HIPK1: variants seen among roughly 807,000 people sequenced by gnomAD.
HIPK1 encodes homeodomain interacting protein kinase 1.
A neutral mutation model predicts 117.1 loss-of-function variants in HIPK1; 28 were observed. That is an observed-to-expected ratio of 0.24 (90% CI 0.18 to 0.33). HIPK1 has a LOEUF of 0.33. Ranked by LOEUF, HIPK1 falls within the 10% of genes least tolerant of loss-of-function variation. The pLI is 1.00. For synonymous variants in HIPK1, 605 were observed against 562.5 expected (o/e 1.08, Z -1.07); for missense variants, 1,122 against 1,475.1 (o/e 0.76, Z 3.92).
At chr1:113,971,742 G>A in intron 14 of HIPK1, 82 bp from the exon 15 acceptor site, 1 of 1,368,620 alleles carries the variant, frequency 7.3e-7, no homozygotes, top group Non-Finnish European at 1.0e-6. Context: ...ACTACATACA[G>A]ATGTGGACTA....
intron 1 of HIPK1, 196 bp downstream of exon 1, chr1:113,929,728 G>T: frequency 1.2e-6 from 1 of 863,332 alleles, no homozygotes; most frequent in Non-Finnish European, 1.4e-6. Context: ...GGCGGCGGCG[G>T]CGGGAAGGGG....
chr1:113,938,499 T>C (rs2101148870), intron 1 of HIPK1, among the ~76,000 whole-genome samples: 1 of 152,272 alleles, frequency 6.6e-6, no homozygotes, highest in South Asian at 2.1e-4. Context: ...TTATCTGATT[T>C]GCATTGTTTA....
At chr1:113,955,121 C>T (rs1350994009) in intron 4 of HIPK1, among the ~76,000 whole-genome samples, 1 of 152,128 alleles carries the variant, frequency 6.6e-6, no homozygotes, top group Non-Finnish European at 1.5e-5. Flanking sequence ...TCTAACTGCC[C>T]ACATTCAGGA....
At chr1:113,962,148 C>G (rs112468616) in intron 8 of HIPK1, among the ~76,000 whole-genome samples, 169 bp from the exon 9 acceptor site, 14 of 152,190 alleles carry the variant, frequency 9.2e-5, no homozygotes, top group African/African-American at 3.1e-4. Context: ...GGAAGTCTCC[C>G]TTTTCTTAAC....
Position 113,929,394 on chromosome 1 carries a change from G to A in HIPK1, c.-141G>A, listed in dbSNP as rs769641873. 2 of 1,289,334 alleles carry A rather than the reference G, an allele frequency of 1.6e-6. No homozygotes were observed. Among genetic ancestry groups the A allele is most frequent in the Non-Finnish European group, 2.0e-6 (2 of 988,884 alleles). 79.9% of individuals were successfully genotyped at this position (1,289,334 alleles called of 1,614,324 possible). A position where few individuals can be genotyped will look rare whatever the true frequency, so the allele number is the denominator to read the frequency against. Reference sequence around the variant, plus strand: ...TCACCGCAGAGTCTGCAGTGCGGAGGGGGCGGGAAGTCCAGGCCCCGCACT... The same window carrying A: ...TCACCGCAGAGTCTGCAGTGCGGAGAGGGCGGGAAGTCCAGGCCCCGCACT... On this transcript the variant is annotated 5_prime_UTR_variant, in exon 1 of 16. Coordinates refer to ENST00000426820, the MANE Select transcript of HIPK1 (RefSeq NM_198268.3).
chr1:113,977,227 C>T lies in HIPK1; in HGVS notation c.*3715C>T, dbSNP rs1027893317. 3.3e-5 allele frequency: 5 copies of T among 152,148 alleles called. No individual in the cohort carries two copies. Among genetic ancestry groups the T allele is most frequent in the African/African-American group, 1.2e-4 (5 of 41,308 alleles). The allele number at this position is 152,148 out of a possible 1,614,324, so 9.4% of individuals were successfully genotyped here. A position where few individuals can be genotyped will look rare whatever the true frequency, so the allele number is the denominator to read the frequency against. On this transcript the variant is annotated 3_prime_UTR_variant, in exon 16 of 16. Coordinates refer to ENST00000426820, the MANE Select transcript of HIPK1 (RefSeq NM_198268.3). ...GACAGGAGTGGCCCGAGCCTGCTTCCTATTTTGATTTTTTTTTTTTTTAAC... is the reference window on the plus strand; with the variant it reads ...GACAGGAGTGGCCCGAGCCTGCTTCTTATTTTGATTTTTTTTTTTTTTAAC...
chr1:113,932,100 T>G (rs1276578201), intron 1 of HIPK1: 1 of 152,198 alleles, frequency 6.6e-6, no homozygotes, highest in Non-Finnish European at 1.5e-5. Flanking sequence ...ACCCAGCTCC[T>G]AAATGCCTAA....
At position 113,976,161 on chromosome 1, in the gene HIPK1, A is replaced by C. The variant is rs1237464495; in HGVS notation, c.*2649A>C. 2.6e-5 allele frequency: 4 copies of C among 152,798 alleles called. No individual in the cohort carries two copies. In the South Asian group the frequency reaches 8.3e-4, roughly 32 times the overall value. 9.5% of individuals were successfully genotyped at this position (152,798 alleles called of 1,614,324 possible). A position where few individuals can be genotyped will look rare whatever the true frequency, so the allele number is the denominator to read the frequency against. ...TTCCAAGATGGGGCAGGTAGTCCGT[A>C]CAGCCTACCAGGAACATGTTGTGTT... is the stretch of plus-strand genomic sequence containing the variant. On this transcript the variant is annotated 3_prime_UTR_variant, in exon 16 of 16. Transcript: ENST00000426820.
At chr1:113,929,651 AG>A in intron 1 of HIPK1, 119 bp downstream of exon 1, 1 of 1,001,722 alleles carries the variant, frequency 1.0e-6, no homozygotes, top group South Asian at 1.5e-5. Flanking sequence ...CTGCGGAGCA[AG>A]GGGCCCGGCG....
At chr1:113,948,930 C>T (rs1043771880) in intron 2 of HIPK1, among the ~76,000 whole-genome samples, 8 of 152,194 alleles carry the variant, frequency 5.3e-5, no homozygotes, top group Admixed American at 1.3e-4. Context: ...CTCTGCCCCC[C>T]GGGTTCAAGC....
chr1:113,940,323 A>C, intron 1 of HIPK1, 59 bp from the exon 2 acceptor site: 1 of 1,420,814 alleles, frequency 7.0e-7, no homozygotes, highest in Non-Finnish European at 9.6e-7. Flanking sequence ...TGTGTGTTTT[A>C]AATCTAAGCC....
chr1:113,971,849 A>C lies in HIPK1; in HGVS notation c.3039A>C (p.Pro1013=). 6.3e-7 allele frequency: 1 copy of C among 1,599,152 alleles called. No homozygotes were observed. The highest frequency in any genetic ancestry group is 8.5e-7 in the Non-Finnish European group (1 of 1,175,334). The stretch of plus-strand genomic sequence containing the variant: ...GTCTCCTGAGCAATAAGACTAAGCC[A>C]GTCGCTTCAGTGAGTGGGCAGTCAT... The part of the protein sequence containing the change: ...ASGLLSNKTK[P]VASVSGQSSG... The change falls in exon 15 of 16, where the codon CCA becomes CCC. Residue 1013 remains proline, a synonymous_variant. Transcript: ENST00000426820.
chr1:113,958,148 A>C lies in HIPK1; in HGVS notation c.1838A>C (p.Gln613Pro). 3 of 1,614,162 alleles carry C rather than the reference A, an allele frequency of 1.9e-6. No homozygotes were observed. The highest frequency in any genetic ancestry group is 2.5e-6 in the Non-Finnish European group (3 of 1,179,996). The change falls in exon 8 of 16, where the codon CAG (glutamine) becomes CCG (proline). Residue 613 changes from glutamine (Q) to proline (P), a missense_variant. This residue lies in a region of HIPK1 where 731 missense variants were observed against 860.4 expected (regional missense o/e 0.85). Transcript: ENST00000426820. Reference sequence around the variant, plus strand: ...TCAGATGTCTCACTACTAAACTACCAGTCAGCTTTGTACCCATCATCTGCT... The same window carrying C: ...TCAGATGTCTCACTACTAAACTACCCGTCAGCTTTGTACCCATCATCTGCT... ...ANSDVSLLNYQSALYPSSAAP... is the reference protein window; with the variant it reads ...ANSDVSLLNYPSALYPSSAAP...
At chr1:113,972,007 T>C in intron 15 of HIPK1, 53 bp downstream of exon 15, 1 of 1,612,676 alleles carries the variant, frequency 6.2e-7, no homozygotes, top group Non-Finnish European at 8.5e-7. Flanking sequence ...GTTGTTACTT[T>C]CTGGAGAACC....
rs1227658872 is a variant in HIPK1, at chr1:113,968,429, A to T, written c.2565-13A>T. The T allele has an allele frequency of 6.2e-7, 1 of 1,600,172 alleles. No homozygotes were observed. The highest frequency in any genetic ancestry group is 1.1e-5 in the South Asian group (1 of 90,792). ...AGGACTGAATCATCTTTCCATGTGAACTTTTCCTACAGGTCCTCTCTAGAT... is the reference window on the plus strand; with the variant it reads ...AGGACTGAATCATCTTTCCATGTGATCTTTTCCTACAGGTCCTCTCTAGAT... On this transcript the variant is annotated splice_polypyrimidine_tract_variant and intron_variant, in intron 12 of 15. Transcript: ENST00000426820.
chr1:113,955,770 A>G, intron 5 of HIPK1, 121 bp downstream of exon 5: 1 of 570,028 alleles, frequency 1.8e-6, no homozygotes, highest in Non-Finnish European at 3.2e-6. Context: ...TTTTATAAAA[A>G]ATGCATTAAT....
At chr1:113,971,065 TG>T (rs1440800949) in intron 14 of HIPK1, among the ~76,000 whole-genome samples, 2 of 152,204 alleles carry the variant, frequency 1.3e-5, no homozygotes, top group Non-Finnish European at 2.9e-5. Flanking sequence ...GGGCCATACT[TG>T]TATAAATTAT....
At chr1:113,961,609 A>G (rs1421232433) in intron 8 of HIPK1, among the ~76,000 whole-genome samples, 1 of 152,170 alleles carries the variant, frequency 6.6e-6, no homozygotes, top group Non-Finnish European at 1.5e-5. Context: ...GCTTTTAAAG[A>G]TTAGAATTTT....
At chr1:113,953,038 G>A (rs1424288989) in intron 3 of HIPK1, 149 bp downstream of exon 3, 3 of 644,860 alleles carry the variant, frequency 4.7e-6, no homozygotes, top group Non-Finnish European at 6.7e-6. Context: ...TTAAAGAATA[G>A]TATAATTTTC....
Sources: gnomAD v4.1 joint callset for allele counts (sites outside exome capture counted in the v4.1 genomes callset) on GRCh38, gnomAD v4.1.1 for gene constraint, gnomAD v4.1.1 regional missense constraint, MANE v1.5 for transcripts, NCBI Gene and HGNC (gene_info 2026-07-23, HGNC 2026-07-21) for gene names.